The following AKAP8 variants were observed in gnomAD, a reference collection of about 807,000 sequenced individuals.
AKAP8 encodes the protein A-kinase anchoring protein 8, also known as A-kinase anchor protein 8.
A neutral mutation model predicts 67.5 loss-of-function variants in AKAP8; 24 were observed. That is an observed-to-expected ratio of 0.36 (90% CI 0.26 to 0.50). The LOEUF is 0.50. Among genes scored for constraint, AKAP8 ranks in the 20% least tolerant of loss-of-function variants. The pLI, the probability that AKAP8 is intolerant of heterozygous loss-of-function variation, is 0.97. For synonymous variants in AKAP8, 400 were observed against 371.1 expected (o/e 1.08, Z -0.90); for missense variants, 971 against 955.9 (o/e 1.02, Z -0.21).
chr19:15,364,758 G>C (rs1314858127), intron 9 of AKAP8, among the ~76,000 whole-genome samples: 2 of 152,258 alleles, frequency 1.3e-5, no homozygotes, highest in African/African-American at 4.8e-5. Context: ...CCAAAGTGCT[G>C]GGATTACAGG....
In AKAP8 at chr19:15,368,291, C is replaced by T. The variant is rs71334765; in HGVS notation, c.1104G>A (p.Lys368=). The T allele has an allele frequency of 5.0e-3, 8,126 of 1,613,776 alleles. 27 individuals are homozygous for T. Among genetic ancestry groups the T allele is most frequent in the Middle Eastern group, 0.012 (71 of 6,062 alleles). Residue 368 remains lysine (K), a synonymous_variant, in exon 9 of 14, where the codon AAG becomes AAA. Transcript: ENST00000269701. ...GEKEDEDEDV[K]KRREKQRRRD... ...TTCTCCTTTGCTTTTCCCTTCTCTT[C>T]TTCACATCCTCGTCCTCGTCCTCCT...
intron 9 of AKAP8, among the ~76,000 whole-genome samples, chr19:15,366,128 C>A (rs1264229178): frequency 4.5e-4 from 15 of 33,556 alleles, no homozygotes; most frequent in East Asian, 9.8e-4. Context: ...ATTGGAAGAA[C>A]ATACAAGATG....
At chr19:15,358,012 A>C (rs1017633229) in intron 13 of AKAP8, among the ~76,000 whole-genome samples, 3 of 151,974 alleles carry the variant, frequency 2.0e-5, no homozygotes, top group African/African-American at 7.2e-5. Context: ...GGTTATTTAG[A>C]TTCTGTGCCT....
intron 11 of AKAP8, among the ~76,000 whole-genome samples, chr19:15,361,183 T>C (rs1966958899): frequency 6.6e-6 from 1 of 152,190 alleles, no homozygotes; most frequent in Non-Finnish European, 1.5e-5. Flanking sequence ...TCCTGGTTGT[T>C]TCTTTTCAAA....
chr19:15,372,727 A>G lies in AKAP8; in HGVS notation c.861+124T>C, dbSNP rs1173236773. 3 of 1,304,360 alleles carry G rather than the reference A, an allele frequency of 2.3e-6. No individual in the cohort carries two copies. In the African/African-American group the frequency reaches 4.5e-5, roughly 19 times the overall value. The allele number at this position is 1,304,360 out of a possible 1,614,324, so 80.8% of individuals were successfully genotyped here. A position where few individuals can be genotyped will look rare whatever the true frequency, so the allele number is the denominator to read the frequency against. ...GGATGGTTGCACAATCCTGTAAATT[A>G]ACTAAAAGTCGAACTGCGCACTTAA... On this transcript the variant is annotated intron_variant, in intron 5 of 13. Coordinates refer to ENST00000269701, the MANE Select transcript of AKAP8 (RefSeq NM_005858.4).
At position 15,373,182 on chromosome 19, in the gene AKAP8, G is replaced by A. The variant is rs1967192515; in HGVS notation, c.530C>T (p.Ala177Val). 6.2e-7 allele frequency: 1 copy of A among 1,613,686 alleles called. No individual in the cohort carries two copies. The highest frequency in any genetic ancestry group is 1.1e-5 in the South Asian group (1 of 91,090). The change falls in exon 5 of 14, where the codon GCC becomes GTC. Residue 177 changes from alanine to valine, a missense_variant. Coordinates refer to ENST00000269701, the MANE Select transcript of AKAP8 (RefSeq NM_005858.4). ...GGQYSECRDP[A>V]RERGSLDGFM... Reference sequence around the variant, plus strand: ...GCCATCAAGGGAGCCCCGCTCCCGGGCTGGGTCTCGGCATTCACTGTACTG... The same window carrying A: ...GCCATCAAGGGAGCCCCGCTCCCGGACTGGGTCTCGGCATTCACTGTACTG...
At position 15,369,352 on chromosome 19, in the gene AKAP8, A is replaced by C; in HGVS notation, c.1072+794T>G. The C allele has an allele frequency of 1.4e-6, 1 of 730,732 alleles. No homozygotes were observed. The highest frequency in any genetic ancestry group is 1.7e-6 in the Non-Finnish European group (1 of 597,464). The allele number at this position is 730,732 out of a possible 1,614,324, so 45.3% of individuals were successfully genotyped here. On this transcript the variant is annotated intron_variant, in intron 8 of 13. Transcript: ENST00000269701. This position sits in a 1 kb window ranked among gnomAD's most constrained non-coding sequence, Gnocchi z 4.6. Reference sequence around the variant, plus strand: ...ACCGCAGAGGGCTGGCAAAGCCTGAACAGGAGGAACATCTAAGCCAAGGGC... The same window carrying C: ...ACCGCAGAGGGCTGGCAAAGCCTGACCAGGAGGAACATCTAAGCCAAGGGC...
chr19:15,373,740 G>A, intron 4 of AKAP8, 46 bp downstream of exon 4: 1 of 1,565,594 alleles, frequency 6.4e-7, no homozygotes, highest in Non-Finnish European at 8.6e-7. Context: ...GCGCACAAAG[G>A]TGGGGATGTG....
At position 15,379,703 on chromosome 19, in the gene AKAP8, C is replaced by T; in HGVS notation, c.19+10G>A. ...CCCTCCCCGCTCCGCACCCAGCAGC[C>T]AACACAAACCTCCGTAGCCCTGGTC... On this transcript the variant is annotated intron_variant, in intron 1 of 13. Transcript: ENST00000269701. 1 of 1,609,440 alleles carries T rather than the reference C, an allele frequency of 6.2e-7. No homozygotes were observed. The highest frequency in any genetic ancestry group is 8.5e-7 in the Non-Finnish European group (1 of 1,178,332).
chr19:15,354,848 C>A lies in AKAP8; in HGVS notation c.*67G>T. On this transcript the variant is annotated 3_prime_UTR_variant, in exon 14 of 14. Coordinates refer to ENST00000269701, the MANE Select transcript of AKAP8 (RefSeq NM_005858.4). Reference sequence around the variant, plus strand: ...GGAGCACACGCCCTTGTACTGCTTACAAACCAAGGGAGAAAGACCAACGCA... The same window carrying A: ...GGAGCACACGCCCTTGTACTGCTTAAAAACCAAGGGAGAAAGACCAACGCA... 6.4e-7 allele frequency: 1 copy of A among 1,573,118 alleles called. No individual in the cohort carries two copies. Among genetic ancestry groups the A allele is most frequent in the Admixed American group, 1.7e-5 (1 of 58,836 alleles).
At chr19:15,357,329 T>G (rs1344668491) in intron 13 of AKAP8, among the ~76,000 whole-genome samples, 1 of 141,402 alleles carries the variant, frequency 7.1e-6, no homozygotes, top group East Asian at 2.3e-4. Context: ...CTCAGGAGGC[T>G]GAGGCAGGAG....
rs1159356472 is a variant in AKAP8 at position 15,355,264 on chromosome 19, A to C, written c.1730T>G (p.Val577Gly). ...TGCTGCTGTAATCACCTCTGCTAAG[A>C]CGTCCGCGGCCACCTCCTCAGGTGT... ...KETPEEVAAD[V>G]LAEVITAAVR... The change falls in exon 14 of 14, where the codon GTC (valine) becomes GGC (glycine). Residue 577 changes from valine (V) to glycine (G), a missense_variant. Coordinates refer to ENST00000269701, the MANE Select transcript of AKAP8 (RefSeq NM_005858.4). 4 of 1,612,706 alleles carry C rather than the reference A, an allele frequency of 2.5e-6. No individual in the cohort carries two copies. In the East Asian group the frequency reaches 8.9e-5, roughly 36 times the overall value.
At position 15,361,399 on chromosome 19, in the gene AKAP8, G is replaced by A. The variant is rs557476486; in HGVS notation, c.1396+330C>T. The A allele has an allele frequency of 9.0e-5, 21 of 234,606 alleles. No individual in the cohort carries two copies. In the South Asian group the frequency reaches 1.1e-3, roughly 12 times the overall value. 14.5% of individuals were successfully genotyped at this position (234,606 alleles called of 1,614,324 possible). ...AGAGTCTTGCTCTGTCGCCTAGGCT[G>A]GAGTGCAGTGGTGCAATCTTGGCTC... On this transcript the variant is annotated intron_variant, in intron 11 of 13. Transcript: ENST00000269701.
At chr19:15,364,108 C>CA (rs71176406) in intron 9 of AKAP8, among the ~76,000 whole-genome samples, 602 of 52,328 alleles carry the variant, frequency 0.012, 65 homozygotes, top group African/African-American at 0.019. Context: ...TGGCAGTGGG[C>CA]AAAAAAAAAA....
rs201035925 is a variant in AKAP8, at chr19:15,368,344, G to A, written c.1073-22C>T. On this transcript the variant is annotated intron_variant, in intron 8 of 13. Transcript: ENST00000269701. ...TCTCCTGTAACAGACAAGTCCCTTC[G>A]AGACGCTCTGAGTGGCCTGCAAAGG... 2.8e-5 allele frequency: 45 copies of A among 1,612,772 alleles called. No homozygotes were observed. In the Middle Eastern group the frequency reaches 4.9e-4, roughly 18 times the overall value.
intron 4 of AKAP8, among the ~76,000 whole-genome samples, 162 bp from the exon 5 acceptor site, chr19:15,373,502 G>C (rs549495498): frequency 1.3e-5 from 2 of 152,084 alleles, no homozygotes; most frequent in South Asian, 2.1e-4. Flanking sequence ...ACCCTCCCTG[G>C]AACACTGCTG....
chr19:15,355,979 G>A (rs999398834), intron 13 of AKAP8, among the ~76,000 whole-genome samples: 6 of 151,924 alleles, frequency 3.9e-5, no homozygotes, highest in South Asian at 2.1e-4. Flanking sequence ...CAGGTGATCC[G>A]CCTGCCTTGG....
At chr19:15,357,428 C>CAAAA (rs59205660) in intron 13 of AKAP8, among the ~76,000 whole-genome samples, 1 of 40,702 alleles carries the variant, frequency 2.5e-5, no homozygotes, top group Non-Finnish European at 4.0e-5. Context: ...GACTCCATCT[C>CAAAA]AAAAAAAAAA....
At chr19:15,363,512 C>T (rs1450615779) in intron 9 of AKAP8, among the ~76,000 whole-genome samples, 3 of 144,590 alleles carry the variant, frequency 2.1e-5, no homozygotes, top group Middle Eastern at 3.8e-3. Flanking sequence ...CCCGGCCAGC[C>T]GCACCGTCCG....
Sources: gnomAD v4.1 joint callset for allele counts (sites outside exome capture counted in the v4.1 genomes callset) on GRCh38, gnomAD v4.1.1 for gene constraint, Gnocchi (gnomAD v3.1) non-coding constraint, MANE v1.5 for transcripts, NCBI Gene and HGNC (gene_info 2026-07-23, HGNC 2026-07-21) for gene names.